ZNF469: variants seen among roughly 807,000 people sequenced by gnomAD.
The protein encoded by ZNF469 is zinc finger protein 469.
In ZNF469, 1 loss-of-function variant was observed where a neutral mutation model predicts 1.0. The ratio of observed to expected loss-of-function variants is 1.00; its 90% CI spans 0.35 to 4.73. The LOEUF (loss-of-function observed/expected upper bound fraction) is 4.73. Ranked by LOEUF, ZNF469 falls within the 30% of genes most tolerant of loss-of-function variation. The pLI is 0.16. For missense variants in ZNF469, 6,100 were observed against 5,356.3 expected (o/e 1.14, Z -4.33); for synonymous variants, 2,703 against 2,363.4 (o/e 1.14, Z -4.17).
At chr16:88,102,316 T>C in the ZNF469 span, among the ~76,000 whole-genome samples, 1 of 151,990 alleles carries the variant, frequency 6.6e-6, no homozygotes, top group African/African-American at 2.4e-5. Flanking sequence ...CAGAAGTTCG[T>C]AGAGCAGCCT....
the ZNF469 span, among the ~76,000 whole-genome samples, chr16:88,367,759 C>T: frequency 2.0e-5 from 3 of 152,186 alleles, no homozygotes; most frequent in Non-Finnish European, 4.4e-5. Flanking sequence ...TCACTGGCTC[C>T]GGTCCCTGGG....
chr16:88,419,288 G>C (rs983854970), intron 1 of ZNF469, among the ~76,000 whole-genome samples: 7 of 152,216 alleles, frequency 4.6e-5, no homozygotes, highest in Non-Finnish European at 1.0e-4. Flanking sequence ...ATCAGCCCTG[G>C]TGGGCAGCCA....
chr16:88,193,056 GAT>G, the ZNF469 span, among the ~76,000 whole-genome samples: 6 of 148,606 alleles, frequency 4.0e-5, no homozygotes, highest in East Asian at 1.2e-3. Flanking sequence ...TGATGATGGT[GAT>G]GGTGGTGATG....
At chr16:88,396,191 T>A (rs971896292) in intron 1 of ZNF469, among the ~76,000 whole-genome samples, 2 of 152,282 alleles carry the variant, frequency 1.3e-5, no homozygotes, top group African/African-American at 4.8e-5. Context: ...AGAGAATTTC[T>A]TGGCTTGTGA....
At chr16:88,311,767 G>A in the ZNF469 span, among the ~76,000 whole-genome samples, 2 of 152,208 alleles carry the variant, frequency 1.3e-5, no homozygotes, top group African/African-American at 4.8e-5. Context: ...TCTTAAACTT[G>A]GATTGAGTTG....
chr16:88,397,073 G>A (rs1450816929), intron 1 of ZNF469, among the ~76,000 whole-genome samples: 3 of 151,902 alleles, frequency 2.0e-5, no homozygotes, highest in Non-Finnish European at 2.9e-5. Flanking sequence ...CCTTCTGAAG[G>A]GAGGCCAGGC....
At chr16:88,358,495 G>A in the ZNF469 span, among the ~76,000 whole-genome samples, 1 of 152,068 alleles carries the variant, frequency 6.6e-6, no homozygotes, top group Non-Finnish European at 1.5e-5. Flanking sequence ...AACATTCCGG[G>A]ATCCAGGAAT....
the ZNF469 span, among the ~76,000 whole-genome samples, chr16:88,321,763 T>G: frequency 1.3e-5 from 2 of 149,006 alleles, no homozygotes; most frequent in South Asian, 4.3e-4. Context: ...GCCTCACCTG[T>G]TTGGATGCAG....
At chr16:88,298,575 G>C in the ZNF469 span, among the ~76,000 whole-genome samples, 1 of 152,194 alleles carries the variant, frequency 6.6e-6, no homozygotes, top group African/African-American at 2.4e-5. Flanking sequence ...AGAGGACATG[G>C]AGCTGCTGAC....
chr16:88,427,431 T>A lies in ZNF469; in HGVS notation c.-40T>A, dbSNP rs1407964113. ...TCCAGCCCACTCCCCAGGGCCCCCC[T>A]CGGACAGCTGCGTCGTCCTAGCGCC... is the stretch of plus-strand genomic sequence containing the variant. On this transcript the variant is annotated 5_prime_UTR_variant, in exon 3 of 3. Coordinates refer to ENST00000565624, the MANE Select transcript of ZNF469 (RefSeq NM_001367624.2). 10 of 1,444,348 alleles carry A rather than the reference T, an allele frequency of 6.9e-6. No homozygotes were observed. The highest frequency in any genetic ancestry group is 1.4e-5 in the African/African-American group (1 of 69,930). 89.5% of individuals were successfully genotyped at this position (1,444,348 alleles called of 1,614,324 possible). A position where few individuals can be genotyped will look rare whatever the true frequency, so the allele number is the denominator to read the frequency against.
At chr16:88,268,582 A>G in the ZNF469 span, among the ~76,000 whole-genome samples, 4 of 152,168 alleles carry the variant, frequency 2.6e-5, no homozygotes, top group Non-Finnish European at 5.9e-5. Flanking sequence ...CTGGGTTTTC[A>G]GGAAGAACAT....
chr16:88,157,546 C>T, the ZNF469 span, among the ~76,000 whole-genome samples: 12 of 152,242 alleles, frequency 7.9e-5, no homozygotes, highest in Non-Finnish European at 1.5e-4. Flanking sequence ...CATCTCTCCT[C>T]CACCCTCCGC....
In ZNF469 at chr16:88,433,457, G is replaced by A. The variant is rs1293255655; in HGVS notation, c.5987G>A (p.Gly1996Asp). The A allele has an allele frequency of 6.5e-7, 1 of 1,550,280 alleles. No individual in the cohort carries two copies. The highest frequency in any genetic ancestry group is 8.7e-7 in the Non-Finnish European group (1 of 1,146,972). ...CAAGCCGAGAAAACCCAGGGCCAAGGCACAGCCAACCAGCTTCAGCCAGAG... is the reference window on the plus strand; with the variant it reads ...CAAGCCGAGAAAACCCAGGGCCAAGACACAGCCAACCAGCTTCAGCCAGAG... Reference protein sequence around the residue: ...LGQAEKTQGQGTANQLQPENG... With the variant: ...LGQAEKTQGQDTANQLQPENG... The change falls in exon 3 of 3, where the codon GGC becomes GAC. Residue 1996 changes from glycine (G) to aspartate (D), a missense_variant. Gly to Asp is a moderately conservative substitution (Grantham distance 94, BLOSUM62 -1). Coordinates refer to ENST00000565624, the MANE Select transcript of ZNF469 (RefSeq NM_001367624.2).
rs543913707 is a variant in ZNF469 at position 88,382,988 on chromosome 16, C to T, written c.-458C>T. ...CCCGCGGCCGCCGGCCGGCGTCCGG[C>T]CTTCCCAGCACCCGGCCCAGGGCTG... is the stretch of plus-strand genomic sequence containing the variant. On this transcript the variant is annotated 5_prime_UTR_variant, in exon 1 of 3. Transcript: ENST00000565624. 7.6e-4 allele frequency among the ~76,000 whole-genome samples: 116 copies of T among 151,856 alleles called. 1 individual carries two copies. Among genetic ancestry groups the T allele is most frequent in the African/African-American group, 2.6e-3 (108 of 41,458 alleles).
the ZNF469 span, among the ~76,000 whole-genome samples, chr16:88,229,522 G>A: frequency 1.0e-4 from 15 of 150,058 alleles, no homozygotes; most frequent in East Asian, 3.9e-4. Context: ...GAATGTGTGC[G>A]TGTGTGCTGA....
chr16:88,328,994 C>G, the ZNF469 span, among the ~76,000 whole-genome samples: 1 of 152,172 alleles, frequency 6.6e-6, no homozygotes, highest in Admixed American at 6.5e-5. Flanking sequence ...GACGTTCACC[C>G]GCAGCCGGAG....
chr16:88,249,987 G>C, the ZNF469 span, among the ~76,000 whole-genome samples: 1 of 152,198 alleles, frequency 6.6e-6, no homozygotes, highest in East Asian at 1.9e-4. Flanking sequence ...GTTGAAGTTG[G>C]CTCCTCAAGT....
At chr16:88,217,233 C>T in the ZNF469 span, among the ~76,000 whole-genome samples, 1 of 152,054 alleles carries the variant, frequency 6.6e-6, no homozygotes, top group Admixed American at 6.5e-5. Context: ...CTTCCTTGTG[C>T]TAGGATGAGA....
chr16:88,337,466 G>A, the ZNF469 span, among the ~76,000 whole-genome samples: 1 of 152,222 alleles, frequency 6.6e-6, no homozygotes, highest in East Asian at 1.9e-4. Context: ...TCTCGGGTAT[G>A]TCTTTATCAG....
Sources: allele counts gnomAD v4.1 joint callset (sites outside exome capture counted in the v4.1 genomes callset), GRCh38; gene constraint gnomAD v4.1.1; transcripts MANE v1.5; gene names NCBI Gene and HGNC (gene_info 2026-07-23, HGNC 2026-07-21).